The following KANK1 variants were observed in gnomAD, a reference collection of about 807,000 sequenced individuals.
The protein encoded by KANK1 is KN motif and ankyrin repeat domain-containing protein 1.
A neutral mutation model predicts 106.2 loss-of-function variants in KANK1; 109 were observed. That is an observed-to-expected ratio of 1.03 (90% CI 0.88 to 1.20). KANK1 has a LOEUF of 1.20. KANK1 is among the 50% of genes most tolerant of loss of function. The pLI, the probability that KANK1 is intolerant of heterozygous loss-of-function variation, is 0.00. For synonymous variants in KANK1, 873 were observed against 652.2 expected (o/e 1.34, Z -5.16); for missense variants, 2,399 against 1,710.7 (o/e 1.40, Z -7.10).
At chr9:668,995 G>T (rs769532923) in intron 1 of KANK1, among the ~76,000 whole-genome samples, 12 of 152,050 alleles carry the variant, frequency 7.9e-5, no homozygotes, top group Admixed American at 2.6e-4. Flanking sequence ...AACATGCGAC[G>T]GACCAGTACT....
Position 744,606 on chromosome 9 carries a change from T to C in KANK1, c.3996+17T>C. On this transcript the variant is annotated intron_variant, in intron 11 of 11. Transcript: ENST00000382297. ...CAGTCTCCGGTCAGTGTTGTGCATTTGGCATTTGTAAATAGGCTGAAATCC... is the reference window on the plus strand; with the variant it reads ...CAGTCTCCGGTCAGTGTTGTGCATTCGGCATTTGTAAATAGGCTGAAATCC... The C allele has an allele frequency of 6.2e-7, 1 of 1,614,142 alleles. No homozygotes were observed. The highest frequency in any genetic ancestry group is 8.5e-7 in the Non-Finnish European group (1 of 1,180,008).
At chr9:553,463 G>A (rs1158692453) in intron 1 of KANK1, among the ~76,000 whole-genome samples, 1 of 152,132 alleles carries the variant, frequency 6.6e-6, no homozygotes, top group Non-Finnish European at 1.5e-5. Flanking sequence ...AGAGCACGCA[G>A]GTGGAAAGTG....
intron 2 of KANK1, among the ~76,000 whole-genome samples, chr9:689,681 C>G (rs1451983114): frequency 6.6e-6 from 1 of 152,142 alleles, no homozygotes; most frequent in African/African-American, 2.4e-5. Flanking sequence ...CCACTTTCTC[C>G]CTCATTGCAG....
chr9:569,641 A>C (rs1818676896), intron 1 of KANK1, among the ~76,000 whole-genome samples: 1 of 152,216 alleles, frequency 6.6e-6, no homozygotes, highest in South Asian at 2.1e-4. Context: ...TGTTATAAGC[A>C]ACAGAAAATT....
chr9:661,179 G>C (rs1339907225), intron 1 of KANK1, among the ~76,000 whole-genome samples: 2 of 151,994 alleles, frequency 1.3e-5, no homozygotes, highest in African/African-American at 4.8e-5. Context: ...CAACATGCAG[G>C]CTTGTTACGT....
At chr9:700,169 A>C (rs1300170209) in intron 2 of KANK1, among the ~76,000 whole-genome samples, 1 of 152,224 alleles carries the variant, frequency 6.6e-6, no homozygotes, top group Non-Finnish European at 1.5e-5. Context: ...GGGAGGGAAA[A>C]GAGCAGGCTT....
At chr9:603,013 C>T (rs534532833) in intron 1 of KANK1, among the ~76,000 whole-genome samples, 3 of 151,922 alleles carry the variant, frequency 2.0e-5, no homozygotes, top group Admixed American at 6.5e-5. Context: ...TCTTCCTTAG[C>T]GTTTTGTTCT....
At chr9:552,261 C>G (rs138340940) in intron 1 of KANK1, among the ~76,000 whole-genome samples, 2 of 152,210 alleles carry the variant, frequency 1.3e-5, no homozygotes, top group Admixed American at 1.3e-4. Context: ...TGTGTGATTA[C>G]TGTGGGAGAA....
chr9:647,856 C>G (rs1312397563), intron 1 of KANK1, among the ~76,000 whole-genome samples: 1 of 150,574 alleles, frequency 6.6e-6, no homozygotes, highest in East Asian at 1.9e-4. Context: ...AAGTGTTTTT[C>G]ATAGAGATGT....
At chr9:621,574 G>A (rs767846479) in intron 1 of KANK1, among the ~76,000 whole-genome samples, 24 of 152,272 alleles carry the variant, frequency 1.6e-4, no homozygotes, top group South Asian at 4.2e-4. Flanking sequence ...AGGAATGTCC[G>A]CAATTAGAGT....
chr9:682,955 CAG>C (rs1817865395), intron 2 of KANK1, among the ~76,000 whole-genome samples: 1 of 152,124 alleles, frequency 6.6e-6, no homozygotes, highest in Non-Finnish European at 1.5e-5. Context: ...GTTTCTCAAA[CAG>C]AACTCTGAGC....
chr9:666,901 C>CTTTTTTTTTTTTTTTT (rs35149316), intron 1 of KANK1, among the ~76,000 whole-genome samples: 1 of 53,494 alleles, frequency 1.9e-5, no homozygotes, highest in Non-Finnish European at 3.2e-5. Flanking sequence ...CTATTGTTGT[C>CTTTTTTTTTTTTTTTT]TTTTTTTTTT....
At chr9:518,054 A>G (rs1587439414) in intron 1 of KANK1, among the ~76,000 whole-genome samples, 5 of 151,750 alleles carry the variant, frequency 3.3e-5, no homozygotes, top group Admixed American at 3.3e-4. Context: ...GAGGGTTCTT[A>G]GCCATCCCCA....
At chr9:658,856 C>G (rs1019417140) in intron 1 of KANK1, among the ~76,000 whole-genome samples, 7 of 152,086 alleles carry the variant, frequency 4.6e-5, no homozygotes, top group Non-Finnish European at 8.8e-5. Context: ...TACCTTCCAC[C>G]TTTCCCCTAG....
At chr9:559,707 T>C (rs1815876985) in intron 1 of KANK1, among the ~76,000 whole-genome samples, 1 of 152,168 alleles carries the variant, frequency 6.6e-6, no homozygotes, top group South Asian at 2.1e-4. Flanking sequence ...ACATGTACAT[T>C]TTCTGACATA....
At chr9:744,425 T>TTACCTTTCGGTTGTC in intron 10 of KANK1, 66 bp from the exon 11 acceptor site, 1 of 1,546,338 alleles carries the variant, frequency 6.5e-7, no homozygotes, top group South Asian at 1.2e-5. Flanking sequence ...TTTTGTTCTG[T>TTACCTTTCGGTTGTC]TACCTTTCGG....
At chr9:682,405 C>T (rs370686483) in intron 2 of KANK1, among the ~76,000 whole-genome samples, 31 of 152,294 alleles carry the variant, frequency 2.0e-4, no homozygotes, top group East Asian at 1.5e-3. Context: ...TCATGCTTTT[C>T]AGGCTAACAA....
chr9:496,649 C>T (rs1184337177), intron 3 of KANK1, among the ~76,000 whole-genome samples: 1 of 152,128 alleles, frequency 6.6e-6, no homozygotes, highest in Non-Finnish European at 1.5e-5. Context: ...TTTTATATGT[C>T]TCTCAAGCCA....
At chr9:552,690 A>G (rs753774216) in intron 1 of KANK1, among the ~76,000 whole-genome samples, 3 of 152,234 alleles carry the variant, frequency 2.0e-5, no homozygotes, top group Non-Finnish European at 2.9e-5. Flanking sequence ...TCAAGTCTGT[A>G]CTATGCCTTG....
Sources: gnomAD v4.1 joint callset for allele counts (sites outside exome capture counted in the v4.1 genomes callset) on GRCh38, gnomAD v4.1.1 for gene constraint, MANE v1.5 for transcripts, NCBI Gene and HGNC (gene_info 2026-07-23, HGNC 2026-07-21) for gene names.